GPR39: variants seen among roughly 807,000 people sequenced by gnomAD.
GPR39 encodes the protein zinc sensing receptor.
GPR39 carries 23 observed loss-of-function variants against 18.4 expected under a neutral mutation model. That is an observed-to-expected ratio of 1.25 (90% CI 0.90 to 1.77). The LOEUF is 1.77. Among genes scored for constraint, GPR39 ranks in the 40% most tolerant of loss-of-function variants. The pLI is 0.00. For synonymous variants in GPR39, 280 were observed against 257.9 expected, an observed-to-expected ratio of 1.09 and a Z score of -0.82; for missense variants, 647 against 602.4, an observed-to-expected ratio of 1.07 and a Z score of -0.78.
intron 1 of GPR39, among the ~76,000 whole-genome samples, chr2:132,568,602 A>G (rs1680391403): frequency 6.6e-6 from 1 of 152,020 alleles, no homozygotes; most frequent in African/African-American, 2.4e-5. Flanking sequence ...GCTACCCAGG[A>G]GCCTGAGGCA....
At chr2:132,436,951 A>G (rs899780919) in intron 1 of GPR39, among the ~76,000 whole-genome samples, 9 of 152,190 alleles carry the variant, frequency 5.9e-5, no homozygotes, top group Non-Finnish European at 1.2e-4. Context: ...CATTCATTGA[A>G]TTCTCCCAAG....
chr2:132,609,492 G>T (rs1407364787), intron 1 of GPR39, among the ~76,000 whole-genome samples: 1 of 152,154 alleles, frequency 6.6e-6, no homozygotes, highest in Non-Finnish European at 1.5e-5. Context: ...GTGCAACTGG[G>T]GTTGAGTTGA....
At chr2:132,455,795 G>A (rs1680711729) in intron 1 of GPR39, among the ~76,000 whole-genome samples, 1 of 152,214 alleles carries the variant, frequency 6.6e-6, no homozygotes, top group African/African-American at 2.4e-5. Context: ...GCGGTTTTGA[G>A]TGAGTTTCTT....
intron 1 of GPR39, among the ~76,000 whole-genome samples, chr2:132,445,131 C>A (rs1680511157): frequency 6.7e-6 from 1 of 148,944 alleles, no homozygotes; most frequent in Non-Finnish European, 1.5e-5. Context: ...CCTAACACAC[C>A]TGTTTTTATT....
At chr2:132,644,875 GTCTT>G (rs1168200850) in intron 1 of GPR39, 15 of 566,754 alleles carry the variant, frequency 2.6e-5, no homozygotes, top group Admixed American at 2.0e-4. Context: ...GCATTTAATG[GTCTT>G]TCTTTAACAC....
In GPR39 at chr2:132,416,906, C is replaced by T. The variant is rs1366991967; in HGVS notation, c.-137C>T. On this transcript the variant is annotated 5_prime_UTR_variant, in exon 1 of 2. Transcript: ENST00000329321. ...GAAAGCACCTGAAATACTAAGTTAC[C>T]TTCGCGAGGAGAACTCGAGTGAGAT... is the stretch of plus-strand genomic sequence containing the variant. 1 of 1,152,610 alleles carries T rather than the reference C, an allele frequency of 8.7e-7. No homozygotes were observed. Among genetic ancestry groups the T allele is most frequent in the Non-Finnish European group, 1.2e-6 (1 of 818,878 alleles). The allele number at this position is 1,152,610 out of a possible 1,614,324, so 71.4% of individuals were successfully genotyped here.
intron 1 of GPR39, among the ~76,000 whole-genome samples, chr2:132,618,987 A>T (rs890936533): frequency 2.0e-5 from 3 of 152,160 alleles, no homozygotes; most frequent in Non-Finnish European, 1.5e-5. Context: ...GGGAGTCGGC[A>T]GGCCTGGTAA....
At position 132,536,577 on chromosome 2, in the gene GPR39, A is replaced by G. The variant is rs200233505; in HGVS notation, c.857-108524A>G. On this transcript the variant is annotated intron_variant, in intron 1 of 1. Transcript: ENST00000329321. ...GGAATGAAGAGTTTTGTAGATGTCT[A>G]TTATGTCCACTTGATCCAGAGCTGT... Among the ~76,000 whole-genome samples, 50 of 152,336 alleles carry G rather than the reference A, an allele frequency of 3.3e-4. No individual in the cohort carries two copies. The East Asian group carries it at 7.1e-3, about 22-fold the overall frequency.
intron 1 of GPR39, among the ~76,000 whole-genome samples, chr2:132,606,878 C>G (rs565971398): frequency 2.0e-5 from 3 of 152,156 alleles, no homozygotes; most frequent in Non-Finnish European, 4.4e-5. Context: ...TGGCAGAACT[C>G]CCCCTGGAGT....
chr2:132,419,079 AG>A (rs1679962242), intron 1 of GPR39, among the ~76,000 whole-genome samples: 1 of 152,148 alleles, frequency 6.6e-6, no homozygotes, highest in African/African-American at 2.4e-5. Flanking sequence ...AATTGTTAAA[AG>A]CTTAGGGTCT....
At chr2:132,631,871 G>C (rs1681655857) in intron 1 of GPR39, among the ~76,000 whole-genome samples, 1 of 149,714 alleles carries the variant, frequency 6.7e-6, no homozygotes, top group East Asian at 2.0e-4. Flanking sequence ...CCCTCAGGCT[G>C]GAGTGCAGTG....
At position 132,449,682 on chromosome 2, in the gene GPR39, CAGTTGAACTG is replaced by C. The variant is rs1318931257; in HGVS notation, c.856+31787_856+31796del. On this transcript the variant is annotated intron_variant, in intron 1 of 1. Transcript: ENST00000329321. ...TTTGCTTCTCATCATCTTTGTTCCTCAGTTGAACTGAGAGCAAGTGTGATTTTAATGAAGC... is the reference window on the plus strand; with the variant it reads ...TTTGCTTCTCATCATCTTTGTTCCTCAGAGCAAGTGTGATTTTAATGAAGC... 8.5e-5 allele frequency among the ~76,000 whole-genome samples: 13 copies of C among 152,260 alleles called. No individual in the cohort carries two copies. The East Asian group carries it at 2.3e-3, about 27-fold the overall frequency.
chr2:132,482,777 T>C (rs1020543375), intron 1 of GPR39, among the ~76,000 whole-genome samples: 5 of 152,334 alleles, frequency 3.3e-5, no homozygotes, highest in South Asian at 2.1e-4. Flanking sequence ...AGTTTGCAAA[T>C]CAGATAAAGC....
chr2:132,464,956 A>G (rs1282007690), intron 1 of GPR39, among the ~76,000 whole-genome samples: 2 of 152,210 alleles, frequency 1.3e-5, no homozygotes, highest in Non-Finnish European at 2.9e-5. Context: ...TAAGAAGGAA[A>G]TGATGTCCTG....
intron 1 of GPR39, among the ~76,000 whole-genome samples, chr2:132,601,147 C>A (rs112870100): frequency 1.8e-4 from 27 of 152,182 alleles, no homozygotes; most frequent in Middle Eastern, 3.4e-3. Flanking sequence ...ACCCTGATAC[C>A]AAACCAGACA....
At chr2:132,623,575 A>T (rs10171610) in intron 1 of GPR39, among the ~76,000 whole-genome samples, 2,928 of 152,222 alleles carry the variant, frequency 0.019, 91 homozygotes, top group African/African-American at 0.067. Flanking sequence ...GGCAAAAATG[A>T]CTCAGCATTC....
rs1263242908 is a variant in GPR39 at position 132,492,725 on chromosome 2, TACC to T, written c.856+74829_856+74831del. Among the ~76,000 whole-genome samples, 706 of 101,158 alleles carry T rather than the reference TACC, an allele frequency of 7.0e-3. 3 individuals carry two copies. Among genetic ancestry groups the T allele is most frequent in the Non-Finnish European group, 0.013 (542 of 41,478 alleles). 66.4% of individuals were successfully genotyped at this position (101,158 alleles called of 152,430 possible). A position where few individuals can be genotyped will look rare whatever the true frequency, so the allele number is the denominator to read the frequency against. ...ATAATATATATACACACCATATATATACCATATATATATACACACCATGTATAT... is the reference window on the plus strand; with the variant it reads ...ATAATATATATACACACCATATATATATATATATATACACACCATGTATAT... On this transcript the variant is annotated intron_variant, in intron 1 of 1. Transcript: ENST00000329321.
intron 1 of GPR39, among the ~76,000 whole-genome samples, chr2:132,548,880 C>T (rs907599550): frequency 3.3e-5 from 5 of 152,196 alleles, no homozygotes; most frequent in African/African-American, 1.2e-4. Context: ...TTCCTGACTG[C>T]CTATACATTC....
intron 1 of GPR39, among the ~76,000 whole-genome samples, chr2:132,455,902 T>C (rs545401296): frequency 1.3e-5 from 2 of 152,332 alleles, no homozygotes; most frequent in African/African-American, 4.8e-5. Flanking sequence ...CTTACAATTA[T>C]GTTGTCAGTT....
Sources: allele counts gnomAD v4.1 joint callset (sites outside exome capture counted in the v4.1 genomes callset), GRCh38; gene constraint gnomAD v4.1.1; transcripts MANE v1.5; gene names NCBI Gene and HGNC (gene_info 2026-07-23, HGNC 2026-07-21).